FAXC: variants seen among roughly 807,000 people sequenced by gnomAD.
FAXC encodes failed axon connections homolog, metaxin like GST domain containing, also known as failed axon connections homolog.
In FAXC, 10 loss-of-function variants were observed where a neutral mutation model predicts 41.9. That is an observed-to-expected ratio of 0.24 (90% CI 0.15 to 0.41). The LOEUF is 0.41. Ranked by LOEUF, FAXC falls within the 10% of genes least tolerant of loss-of-function variation. FAXC has a pLI of 1.00. For synonymous variants in FAXC, 183 were observed against 183.8 expected (o/e 1.00, Z 0.03); for missense variants, 399 against 510.9 (o/e 0.78, Z 2.11).
In FAXC at chr6:99,349,395, C is replaced by A; in HGVS notation, c.-23G>T. 1.3e-6 allele frequency: 2 copies of A among 1,585,370 alleles called. No homozygotes were observed. Among genetic ancestry groups the A allele is most frequent in the Non-Finnish European group, 1.7e-6 (2 of 1,167,056 alleles). ...CATGCTGCGCGGCTGGCTCCGGGCG[C>A]CCCTCCCAGGGCCCGCGCCGCCCGC... On this transcript the variant is annotated 5_prime_UTR_variant, in exon 1 of 6. Coordinates refer to ENST00000389677, the MANE Select transcript of FAXC (RefSeq NM_032511.4).
At position 99,271,263 on chromosome 6, in the gene FAXC, A is replaced by G. The variant is rs538393759; in HGVS notation, c.*9901T>C. The G allele has an allele frequency of 6.6e-6, 1 of 152,372 alleles. No homozygotes were observed. Among genetic ancestry groups the G allele is most frequent in the Admixed American group, 6.5e-5 (1 of 15,308 alleles). 9.4% of individuals were successfully genotyped at this position (152,372 alleles called of 1,614,324 possible). A position where few individuals can be genotyped will look rare whatever the true frequency, so the allele number is the denominator to read the frequency against. On this transcript the variant is annotated 3_prime_UTR_variant, in exon 6 of 6. Coordinates refer to ENST00000389677, the MANE Select transcript of FAXC (RefSeq NM_032511.4). Reference sequence around the variant, plus strand: ...TCTGATGAGTCCTGAAAGCTAGGACAGCAAAGCTTCCCTAACAGGACAGAC... The same window carrying G: ...TCTGATGAGTCCTGAAAGCTAGGACGGCAAAGCTTCCCTAACAGGACAGAC...
chr6:99,296,902 TG>T (rs1771520067), intron 4 of FAXC, among the ~76,000 whole-genome samples: 1 of 152,148 alleles, frequency 6.6e-6, no homozygotes, highest in Non-Finnish European at 1.5e-5. Context: ...TGACCTCTCC[TG>T]GGTGGTTTAG....
chr6:99,322,529 T>C (rs992539010), intron 4 of FAXC, among the ~76,000 whole-genome samples: 2 of 152,150 alleles, frequency 1.3e-5, no homozygotes, highest in African/African-American at 4.8e-5. Context: ...TTACTGCAGA[T>C]GAGGGAGAGC....
intron 4 of FAXC, among the ~76,000 whole-genome samples, chr6:99,315,326 T>C (rs1582656602): frequency 6.7e-6 from 1 of 148,966 alleles, no homozygotes; most frequent in Admixed American, 6.7e-5. Context: ...ACCACCACCA[T>C]GTTCATTTCC....
At chr6:99,290,338 C>T (rs1771192420) in intron 5 of FAXC, among the ~76,000 whole-genome samples, 1 of 152,116 alleles carries the variant, frequency 6.6e-6, no homozygotes, top group African/African-American at 2.4e-5. Context: ...TGATAGGCCT[C>T]ACATCCAAGG....
chr6:99,283,711 G>A (rs1020925501), intron 5 of FAXC, among the ~76,000 whole-genome samples: 3 of 151,990 alleles, frequency 2.0e-5, no homozygotes, highest in Non-Finnish European at 4.4e-5. Context: ...CAATCCCAGG[G>A]GACCAAGAAT....
At chr6:99,323,394 T>C (rs752502474) in intron 4 of FAXC, 50 bp downstream of exon 4, 7 of 1,506,562 alleles carry the variant, frequency 4.6e-6, no homozygotes, top group Non-Finnish European at 6.4e-6. Flanking sequence ...TTACTAATCA[T>C]GCAAAAGGAA....
intron 4 of FAXC, among the ~76,000 whole-genome samples, chr6:99,322,397 G>C (rs769953517): frequency 3.4e-4 from 52 of 152,280 alleles, no homozygotes; most frequent in East Asian, 1.2e-3. Context: ...CCTCTACCCA[G>C]CATGGCTTCC....
chr6:99,287,045 T>C (rs1366339833), intron 5 of FAXC, among the ~76,000 whole-genome samples: 5 of 152,170 alleles, frequency 3.3e-5, no homozygotes, highest in Non-Finnish European at 7.3e-5. Context: ...CAAGAGTATA[T>C]ATTTATAACA....
At chr6:99,306,496 A>C (rs1416102861) in intron 4 of FAXC, among the ~76,000 whole-genome samples, 5 of 152,146 alleles carry the variant, frequency 3.3e-5, no homozygotes, top group East Asian at 1.9e-4. Flanking sequence ...ATCTAAGTGA[A>C]GATCTAGAAA....
intron 4 of FAXC, among the ~76,000 whole-genome samples, chr6:99,293,945 G>T (rs527883567): frequency 3.0e-4 from 45 of 152,166 alleles, no homozygotes; most frequent in African/African-American, 1.1e-3. Flanking sequence ...GACAGGAGGG[G>T]GAAATGGCTG....
In FAXC at chr6:99,333,394, T is replaced by C. The variant is rs373193776; in HGVS notation, c.556A>G (p.Ile186Val). Residue 186 changes from isoleucine (I) to valine (V), a missense_variant, in exon 3 of 6, where the codon ATC becomes GTC. Transcript: ENST00000389677. ...ACCATCTTGGTCACCGCTCTGGAGA[T>C]GGCTCTTTCATGAGGGCCAAGGTTT... ...NKNLGPHERA[I>V]SRAVTKMVEE... 6.8e-6 allele frequency: 11 copies of C among 1,613,952 alleles called. No individual in the cohort carries two copies. Among genetic ancestry groups the C allele is most frequent in the African/African-American group, 1.3e-5 (1 of 74,924 alleles).
chr6:99,306,757 C>A (rs1053025116), intron 4 of FAXC, among the ~76,000 whole-genome samples: 1 of 152,114 alleles, frequency 6.6e-6, no homozygotes, highest in African/African-American at 2.4e-5. Context: ...GCTTGGTGTC[C>A]CTGGGCAAGT....
At chr6:99,291,585 G>C in intron 5 of FAXC, 119 bp downstream of exon 5, 2 of 746,310 alleles carry the variant, frequency 2.7e-6, no homozygotes, top group South Asian at 3.2e-5. Context: ...CACCATGCCT[G>C]GTGTCTCCAT....
intron 1 of FAXC, among the ~76,000 whole-genome samples, chr6:99,343,313 G>C (rs1160256499): frequency 1.3e-5 from 2 of 152,132 alleles, no homozygotes; most frequent in Non-Finnish European, 2.9e-5. Flanking sequence ...ACCTCCTTCT[G>C]TTACCTATGG....
chr6:99,288,715 C>T (rs539457868), intron 5 of FAXC, among the ~76,000 whole-genome samples: 1 of 152,302 alleles, frequency 6.6e-6, no homozygotes, highest in South Asian at 2.1e-4. Flanking sequence ...AGAAAACCTT[C>T]GATCAATGCC....
At chr6:99,347,964 A>C (rs1773658558) in intron 1 of FAXC, among the ~76,000 whole-genome samples, 1 of 152,362 alleles carries the variant, frequency 6.6e-6, no homozygotes, top group African/African-American at 2.4e-5. Flanking sequence ...TATGAAAACC[A>C]ATACATTTCT....
intron 2 of FAXC, among the ~76,000 whole-genome samples, chr6:99,336,181 G>A (rs1333478663): frequency 6.6e-6 from 1 of 152,114 alleles, no homozygotes; most frequent in Non-Finnish European, 1.5e-5. Context: ...CTCCCAAAGT[G>A]CTGGGATTAC....
intron 4 of FAXC, among the ~76,000 whole-genome samples, chr6:99,296,905 G>A (rs553381998): frequency 1.3e-5 from 2 of 152,292 alleles, no homozygotes; most frequent in South Asian, 4.1e-4. Flanking sequence ...CCTCTCCTGG[G>A]TGGTTTAGGC....
Sources: gnomAD v4.1 joint callset for allele counts (sites outside exome capture counted in the v4.1 genomes callset) on GRCh38, gnomAD v4.1.1 for gene constraint, MANE v1.5 for transcripts, NCBI Gene and HGNC (gene_info 2026-07-23, HGNC 2026-07-21) for gene names.